MAP3K13: variants seen among roughly 807,000 people sequenced by gnomAD.
MAP3K13 encodes the protein mitogen-activated protein kinase kinase kinase 13, also known as leucine zipper-bearing kinase.
A neutral mutation model predicts 104.0 loss-of-function variants in MAP3K13; 52 were observed. The ratio of observed to expected loss-of-function variants is 0.50; its 90% CI spans 0.40 to 0.63. The LOEUF (loss-of-function observed/expected upper bound fraction) is 0.63, where lower values mean the gene tolerates loss of function less well. Ranked by LOEUF, MAP3K13 falls within the 20% of genes least tolerant of loss-of-function variation. MAP3K13 has a pLI of 0.00. For synonymous variants in MAP3K13, 394 were observed against 442.2 expected, an observed-to-expected ratio of 0.89 and a Z score of 1.37; for missense variants, 914 against 1,218.5, an observed-to-expected ratio of 0.75 and a Z score of 3.72.
intron 2 of MAP3K13, among the ~76,000 whole-genome samples, chr3:185,344,017 C>A (rs1231504700): frequency 6.6e-6 from 1 of 152,218 alleles, no homozygotes; most frequent in Non-Finnish European, 1.5e-5. Context: ...TGATGGATCA[C>A]AAATCTACCT....
chr3:185,374,147 T>TC (rs1188765015), intron 1 of MAP3K13, among the ~76,000 whole-genome samples: 1 of 151,212 alleles, frequency 6.6e-6, no homozygotes, highest in Non-Finnish European at 1.5e-5. Flanking sequence ...TCACTCCTTT[T>TC]TGTGGATCTT....
intron 2 of MAP3K13, among the ~76,000 whole-genome samples, chr3:185,321,337 A>G (rs926258236): frequency 2.0e-5 from 3 of 152,224 alleles, no homozygotes; most frequent in African/African-American, 4.8e-5. Flanking sequence ...GGCTCAATGC[A>G]TATTCAACAC....
At chr3:185,426,119 C>T (rs761955423) in intron 1 of MAP3K13, among the ~76,000 whole-genome samples, 42 of 152,132 alleles carry the variant, frequency 2.8e-4, no homozygotes, top group South Asian at 6.2e-4. Flanking sequence ...CTCACGCTGT[C>T]GCCCAGGCTA....
rs57550596 is a variant in MAP3K13 at position 185,423,928 on chromosome 3, G to T, written c.-85-4569G>T. Among the ~76,000 whole-genome samples the T allele has an allele frequency of 9.7e-3, 1,473 of 152,160 alleles. 27 individuals carry two copies. The highest frequency in any genetic ancestry group is 0.034 in the African/African-American group (1,423 of 41,486). On this transcript the variant is annotated intron_variant, in intron 1 of 13. Coordinates refer to ENST00000265026, the MANE Select transcript of MAP3K13 (RefSeq NM_004721.5). This position sits in a 1 kb window ranked among gnomAD's most constrained non-coding sequence, Gnocchi z 4.1. Reference sequence around the variant, plus strand: ...CCTGATTTCCTTCCGTCTGTCACACGCCTTACCTTTAAAGGTCCATCTCAA... The same window carrying T: ...CCTGATTTCCTTCCGTCTGTCACACTCCTTACCTTTAAAGGTCCATCTCAA...
rs1245512655 is a variant in MAP3K13 at position 185,483,383 on chromosome 3, C to G, written c.*927C>G. The G allele has an allele frequency of 1.3e-5, 3 of 231,598 alleles. No individual in the cohort carries two copies. The highest frequency in any genetic ancestry group is 1.7e-5 in the Non-Finnish European group (2 of 117,154). The allele number at this position is 231,598 out of a possible 1,614,324, so 14.3% of individuals were successfully genotyped here. A position where few individuals can be genotyped will look rare whatever the true frequency, so the allele number is the denominator to read the frequency against. On this transcript the variant is annotated 3_prime_UTR_variant, in exon 14 of 14. Coordinates refer to ENST00000265026, the MANE Select transcript of MAP3K13 (RefSeq NM_004721.5). ...CATTTCCTTGTAGCTCATTTCCTTT[C>G]TGCCTGCTGACCACTTCCTGTAGGA...
In MAP3K13 at chr3:185,348,852, G is replaced by A. The variant is rs568775676; in HGVS notation, c.-86+63209G>A. Among the ~76,000 whole-genome samples the A allele has an allele frequency of 3.9e-5, 6 of 152,288 alleles. No homozygotes were observed. The South Asian group carries it at 1.2e-3, about 32-fold the overall frequency. Reference sequence around the variant, plus strand: ...CAATCGCTTGAACCCAGGAGGCGGAGGTTGCAGTGAGCTGAGATCGCGGCA... The same window carrying A: ...CAATCGCTTGAACCCAGGAGGCGGAAGTTGCAGTGAGCTGAGATCGCGGCA... On this transcript the variant is annotated intron_variant, in intron 2 of 14. Coordinates refer to the MAP3K13 transcript ENST00000424227.
intron 7 of MAP3K13, among the ~76,000 whole-genome samples, chr3:185,455,759 TGA>T (rs1491231551): frequency 1.3e-5 from 1 of 79,114 alleles, no homozygotes; most frequent in African/African-American, 4.9e-5. Flanking sequence ...GATATATATA[TGA>T]GATATATATA....
chr3:185,439,428 C>A (rs559517565), intron 3 of MAP3K13, among the ~76,000 whole-genome samples: 18 of 152,114 alleles, frequency 1.2e-4, no homozygotes, highest in African/African-American at 4.1e-4. Flanking sequence ...AGCAGACAGA[C>A]AAACAGAGAC....
chr3:185,330,508 C>T (rs1407449364), intron 2 of MAP3K13, among the ~76,000 whole-genome samples: 1 of 152,090 alleles, frequency 6.6e-6, no homozygotes, highest in Non-Finnish European at 1.5e-5. Flanking sequence ...TTAACTTCTC[C>T]AAGTCAATAG....
chr3:185,377,733 C>T (rs1212335931), intron 1 of MAP3K13, among the ~76,000 whole-genome samples: 1 of 152,190 alleles, frequency 6.6e-6, no homozygotes, highest in Non-Finnish European at 1.5e-5. Context: ...ACTTACCCTC[C>T]ACTGTAAGAA....
At chr3:185,339,933 G>A (rs1458527689) in intron 2 of MAP3K13, among the ~76,000 whole-genome samples, 1 of 151,892 alleles carries the variant, frequency 6.6e-6, no homozygotes, top group Non-Finnish European at 1.5e-5. Flanking sequence ...ACTATGCAAA[G>A]CAGTTTTAAT....
intron 1 of MAP3K13, among the ~76,000 whole-genome samples, chr3:185,387,377 G>A (rs1004904983): frequency 2.0e-5 from 3 of 152,070 alleles, no homozygotes; most frequent in Non-Finnish European, 4.4e-5. Context: ...CTCTCTATGT[G>A]ATCTCTGCAC....
upstream of MAP3K13, among the ~76,000 whole-genome samples, chr3:185,359,771 A>G (rs1315947235): frequency 6.6e-6 from 1 of 152,108 alleles, no homozygotes; most frequent in Admixed American, 6.5e-5. Flanking sequence ...ACCACTACAC[A>G]CTTATCTGTG....
At chr3:185,350,594 T>G (rs1195604308) in intron 2 of MAP3K13, among the ~76,000 whole-genome samples, 1 of 152,218 alleles carries the variant, frequency 6.6e-6, no homozygotes, top group Non-Finnish European at 1.5e-5. Context: ...AATCATACTA[T>G]ATGGTATGCT....
At chr3:185,413,976 TA>T (rs1201463516) in intron 1 of MAP3K13, among the ~76,000 whole-genome samples, 1 of 152,220 alleles carries the variant, frequency 6.6e-6, no homozygotes, top group Non-Finnish European at 1.5e-5. Context: ...AATATGAGCC[TA>T]TTCCATATTT....
intron 2 of MAP3K13, among the ~76,000 whole-genome samples, chr3:185,355,194 G>A (rs1239151433): frequency 4.6e-5 from 7 of 152,084 alleles, no homozygotes; most frequent in Admixed American, 6.5e-5. Context: ...CATTAAGGCC[G>A]GGCACGGTGG....
chr3:185,405,175 G>C (rs1397185935), intron 1 of MAP3K13, among the ~76,000 whole-genome samples: 2 of 152,134 alleles, frequency 1.3e-5, no homozygotes, highest in African/African-American at 4.8e-5. Flanking sequence ...GCCAATGAAT[G>C]ACTTAAGAGA....
upstream of MAP3K13, among the ~76,000 whole-genome samples, chr3:185,359,697 G>A: frequency 6.6e-6 from 1 of 152,110 alleles, no homozygotes; most frequent in Non-Finnish European, 1.5e-5. Flanking sequence ...AGGTTTACCT[G>A]AATATTCATA....
At position 185,423,159 on chromosome 3, in the gene MAP3K13, T is replaced by C. The variant is rs185424260; in HGVS notation, c.-85-5338T>C. On this transcript the variant is annotated intron_variant, in intron 1 of 13. Transcript: ENST00000265026. This position sits in a 1 kb window ranked among gnomAD's most constrained non-coding sequence, Gnocchi z 4.1. ...AGTGAGTTGTAGAATTACTTCATTATGTATTACAATGTAATTATAATAGAA... is the reference window on the plus strand; with the variant it reads ...AGTGAGTTGTAGAATTACTTCATTACGTATTACAATGTAATTATAATAGAA... 6.3e-4 allele frequency among the ~76,000 whole-genome samples: 96 copies of C among 152,364 alleles called. No homozygotes were observed. Among genetic ancestry groups the C allele is most frequent in the African/African-American group, 2.2e-3 (90 of 41,588 alleles).
Sources: gnomAD v4.1 joint callset for allele counts (sites outside exome capture counted in the v4.1 genomes callset) on GRCh38, gnomAD v4.1.1 for gene constraint, Gnocchi (gnomAD v3.1) non-coding constraint, MANE v1.5 for transcripts, NCBI Gene and HGNC (gene_info 2026-07-23, HGNC 2026-07-21) for gene names.